MALRD1: variants seen among roughly 807,000 people sequenced by gnomAD.
MALRD1 encodes the protein MAM and LDL-receptor class A domain-containing protein 1.
In MALRD1, 247 loss-of-function variants were observed where a neutral mutation model predicts 242.1. The observed-to-expected ratio is 1.02, with a 90% CI of 0.92 to 1.13. MALRD1 has a LOEUF of 1.13. MALRD1 is among the 50% of genes most tolerant of loss of function. The probability of loss-of-function intolerance (pLI) is 0.00; values close to 1 mark genes in which losing one functional copy is unlikely to be tolerated. For missense variants in MALRD1, 2,989 were observed against 2,533.1 expected, an observed-to-expected ratio of 1.18 and a Z score of -3.86; for synonymous variants, 995 against 866.6, an observed-to-expected ratio of 1.15 and a Z score of -2.60.
chr10:19,128,181 A>T, intron 7 of MALRD1, 40 bp from the exon 8 acceptor site: 3 of 1,208,978 alleles, frequency 2.5e-6, no homozygotes, highest in Non-Finnish European at 3.1e-6. Flanking sequence ...AAAGAAGCTA[A>T]TGTTTTCCTA....
chr10:19,124,456 C>G, intron 6 of MALRD1, 68 bp from the exon 7 acceptor site: 1 of 1,207,188 alleles, frequency 8.3e-7, no homozygotes, highest in Non-Finnish European at 1.0e-6. Context: ...TTGATTACAA[C>G]ACATAACTTG....
intron 10 of MALRD1, among the ~76,000 whole-genome samples, chr10:19,143,483 C>T (rs1392718438): frequency 6.6e-6 from 1 of 152,122 alleles, no homozygotes; most frequent in Non-Finnish European, 1.5e-5. Flanking sequence ...TAATTTGCTG[C>T]CCTAACAGTG....
Position 19,275,227 on chromosome 10 carries a change from T to G in MALRD1, c.3080-4820T>G, listed in dbSNP as rs1263002695. Among the ~76,000 whole-genome samples the G allele has an allele frequency of 2.0e-5, 3 of 152,222 alleles. No individual in the cohort carries two copies. In the South Asian group the frequency reaches 6.2e-4, roughly 31 times the overall value. On this transcript the variant is annotated intron_variant, in intron 19 of 39. Coordinates refer to ENST00000454679, the MANE Select transcript of MALRD1 (RefSeq NM_001142308.3). ...ATGAATGTTTAAAGTTATTCATAAT[T>G]AAAGTCATTTTTTTAAAGAAAAGAT...
At chr10:19,214,379 T>C (rs1001638870) in intron 18 of MALRD1, among the ~76,000 whole-genome samples, 19 of 152,170 alleles carry the variant, frequency 1.2e-4, no homozygotes, top group African/African-American at 4.3e-4. Flanking sequence ...ATTTTGGCCA[T>C]TTTTTTGGTT....
At chr10:19,581,787 A>C (rs1837139330) in intron 33 of MALRD1, among the ~76,000 whole-genome samples, 1 of 151,156 alleles carries the variant, frequency 6.6e-6, no homozygotes, top group African/African-American at 2.4e-5. Flanking sequence ...TCCCTGAGGA[A>C]TCGCCACACT....
At chr10:19,543,829 G>A (rs894438458) in intron 32 of MALRD1, among the ~76,000 whole-genome samples, 7 of 152,120 alleles carry the variant, frequency 4.6e-5, no homozygotes, top group Non-Finnish European at 8.8e-5. Flanking sequence ...TAAATGAAGT[G>A]TATATTCAGG....
chr10:19,668,362 G>C (rs1841770761), intron 36 of MALRD1, among the ~76,000 whole-genome samples: 2 of 151,998 alleles, frequency 1.3e-5, no homozygotes, highest in African/African-American at 4.8e-5. Flanking sequence ...TCTATAATAG[G>C]GCATGCACCA....
At chr10:19,258,134 G>A (rs897642226) in intron 19 of MALRD1, among the ~76,000 whole-genome samples, 9 of 151,872 alleles carry the variant, frequency 5.9e-5, no homozygotes, top group Non-Finnish European at 1.2e-4. Context: ...GATTACTCTC[G>A]GGAGGCACTT....
At chr10:19,367,992 C>T (rs1359689996) in intron 26 of MALRD1, among the ~76,000 whole-genome samples, 1 of 151,974 alleles carries the variant, frequency 6.6e-6, no homozygotes, top group Non-Finnish European at 1.5e-5. Context: ...ATGTTTTCCT[C>T]ATATATTCTG....
rs1028178740 is a variant in MALRD1, at chr10:19,327,557, C to G, written c.3577-6C>G. The G allele has an allele frequency of 1.2e-5, 19 of 1,544,794 alleles. No homozygotes were observed. Among genetic ancestry groups the G allele is most frequent in the Non-Finnish European group, 1.7e-5 (19 of 1,142,126 alleles). On this transcript the variant is annotated splice_polypyrimidine_tract_variant and splice_region_variant and intron_variant, in intron 22 of 39. Transcript: ENST00000454679. Reference sequence around the variant, plus strand: ...TCAGTGCCTTTTACTTGATTTATCTCTATAGGTGCTCATCAAGAAAGATAA... The same window carrying G: ...TCAGTGCCTTTTACTTGATTTATCTGTATAGGTGCTCATCAAGAAAGATAA...
rs1833618302 is a variant in MALRD1, at chr10:19,419,064, TATG to T, written c.4845+29456_4845+29458del. ...CAGAGGATGAACTCAACCATTTCAG[TATG>T]CACACCCTTCTCCAGCTAACCGCCT... is the stretch of plus-strand genomic sequence containing the variant. On this transcript the variant is annotated intron_variant, in intron 28 of 39. Transcript: ENST00000454679. Among the ~76,000 whole-genome samples the T allele has an allele frequency of 2.6e-5, 4 of 152,310 alleles. No individual in the cohort carries two copies. The South Asian group carries it at 8.3e-4, about 32-fold the overall frequency.
chr10:19,494,777 T>A (rs1449866302), intron 30 of MALRD1, among the ~76,000 whole-genome samples: 2 of 152,180 alleles, frequency 1.3e-5, no homozygotes, highest in Non-Finnish European at 2.9e-5. Flanking sequence ...TGGGATTATG[T>A]TAAGAGGCCA....
At chr10:19,286,631 A>G (rs930796054) in intron 21 of MALRD1, among the ~76,000 whole-genome samples, 1 of 151,960 alleles carries the variant, frequency 6.6e-6, no homozygotes, top group African/African-American at 2.4e-5. Context: ...AAGAAGTTGA[A>G]TCTCTGAATA....
chr10:19,425,181 A>G (rs757350971), intron 28 of MALRD1, among the ~76,000 whole-genome samples: 1 of 152,312 alleles, frequency 6.6e-6, no homozygotes, highest in South Asian at 2.1e-4. Context: ...TTAAATGACA[A>G]TGTGAAGTAA....
chr10:19,445,434 A>T (rs79763531), intron 28 of MALRD1, among the ~76,000 whole-genome samples: 3 of 152,134 alleles, frequency 2.0e-5, no homozygotes, highest in African/African-American at 7.2e-5. Context: ...GTTTCTCCCC[A>T]TCTTTGTGGT....
chr10:19,725,034 A>T (rs1208195309), intron 38 of MALRD1: 1 of 152,230 alleles, frequency 6.6e-6, no homozygotes, highest in African/African-American at 2.4e-5. Flanking sequence ...TGAAAGATTT[A>T]TACACTTAAA....
At chr10:19,425,312 T>C (rs1200585610) in intron 28 of MALRD1, among the ~76,000 whole-genome samples, 1 of 152,200 alleles carries the variant, frequency 6.6e-6, no homozygotes, top group African/African-American at 2.4e-5. Flanking sequence ...TTATTTGTGA[T>C]TTCCCCTTCT....
At chr10:19,711,662 A>G (rs1834124933) in intron 38 of MALRD1, among the ~76,000 whole-genome samples, 1 of 152,196 alleles carries the variant, frequency 6.6e-6, no homozygotes. Context: ...CCCAAAAAAT[A>G]GAACAGCCTG....
At chr10:19,704,271 T>C (rs1164204038) in intron 38 of MALRD1, among the ~76,000 whole-genome samples, 1 of 152,160 alleles carries the variant, frequency 6.6e-6, no homozygotes, top group Non-Finnish European at 1.5e-5. Context: ...AACTCGGTGG[T>C]ATAAACAAGC....
Sources: gnomAD v4.1 joint callset for allele counts (sites outside exome capture counted in the v4.1 genomes callset) on GRCh38, gnomAD v4.1.1 for gene constraint, MANE v1.5 for transcripts, NCBI Gene and HGNC (gene_info 2026-07-23, HGNC 2026-07-21) for gene names.